Variants in ANKS1B observed in about 807,000 individuals in gnomAD.
ANKS1B encodes the protein ankyrin repeat and sterile alpha motif domain containing 1B.
Under a neutral mutation model 148.3 loss-of-function variants are expected in ANKS1B, and 36 were observed. The ratio of observed to expected loss-of-function variants is 0.24; its 90% CI spans 0.19 to 0.32. The LOEUF is 0.32. ANKS1B is among the 10% of genes least tolerant of loss of function. The pLI is 1.00. For synonymous variants in ANKS1B, 542 were observed against 560.8 expected, an observed-to-expected ratio of 0.97 and a Z score of 0.47; for missense variants, 1,157 against 1,542.6, an observed-to-expected ratio of 0.75 and a Z score of 4.19.
intron 8 of ANKS1B, among the ~76,000 whole-genome samples, chr12:99,748,547 ATAC>A: frequency 6.6e-6 from 1 of 152,094 alleles, no homozygotes; most frequent in Admixed American, 6.6e-5. Context: ...TTAACAAATA[ATAC>A]TGAGTATATA....
intron 17 of ANKS1B, among the ~76,000 whole-genome samples, chr12:99,016,061 C>T (rs1479637580): frequency 6.6e-6 from 1 of 152,092 alleles, no homozygotes; most frequent in Non-Finnish European, 1.5e-5. Context: ...CTTCACAAAC[C>T]AGTTTATTTT....
chr12:99,470,253 C>G (rs2096218652), intron 10 of ANKS1B, among the ~76,000 whole-genome samples: 2 of 151,960 alleles, frequency 1.3e-5, no homozygotes, highest in South Asian at 4.1e-4. Flanking sequence ...ACTGTATGAG[C>G]TATGGAAATT....
chr12:99,832,948 G>T (rs934511895), intron 1 of ANKS1B, among the ~76,000 whole-genome samples: 1 of 152,140 alleles, frequency 6.6e-6, no homozygotes, highest in African/African-American at 2.4e-5. Context: ...AACGTAAATT[G>T]CAGAATATTG....
At chr12:99,583,727 C>T (rs1432781955) in intron 9 of ANKS1B, among the ~76,000 whole-genome samples, 1 of 152,032 alleles carries the variant, frequency 6.6e-6, no homozygotes, top group Non-Finnish European at 1.5e-5. Context: ...AAGCACAGAT[C>T]AACAAATATT....
At chr12:99,108,063 T>C (rs1307695413) in intron 15 of ANKS1B, among the ~76,000 whole-genome samples, 1 of 152,232 alleles carries the variant, frequency 6.6e-6, no homozygotes, top group Non-Finnish European at 1.5e-5. Context: ...GATTAAGAGA[T>C]GTGAGGCTCA....
intron 22 of ANKS1B, among the ~76,000 whole-genome samples, chr12:98,790,222 G>A (rs1382049377): frequency 6.6e-6 from 1 of 152,094 alleles, no homozygotes; most frequent in African/African-American, 2.4e-5. Flanking sequence ...GCTTATGAAG[G>A]GACCCACTGA....
At chr12:98,938,568 T>G (rs973999877) in intron 17 of ANKS1B, among the ~76,000 whole-genome samples, 11 of 152,168 alleles carry the variant, frequency 7.2e-5, no homozygotes, top group Non-Finnish European at 1.5e-4. Context: ...TAAGGCAGAG[T>G]GCTCTTCCTG....
intron 1 of ANKS1B, among the ~76,000 whole-genome samples, chr12:99,933,079 G>A (rs1392582723): frequency 3.3e-5 from 5 of 152,096 alleles, no homozygotes; most frequent in Non-Finnish European, 7.4e-5. Flanking sequence ...CTGTAGGTGT[G>A]TGGATTTGTT....
chr12:99,044,648 A>G (rs760296730), intron 17 of ANKS1B, among the ~76,000 whole-genome samples: 29 of 152,192 alleles, frequency 1.9e-4, no homozygotes, highest in Non-Finnish European at 3.5e-4. Flanking sequence ...GATGGCAACT[A>G]AGCTGTGAAA....
chr12:99,186,830 C>T (rs113675862), intron 14 of ANKS1B, among the ~76,000 whole-genome samples: 12,850 of 151,974 alleles, frequency 0.085, 1,222 homozygotes, highest in African/African-American at 0.23. Flanking sequence ...TCCAAAGGAT[C>T]ATAACTCCTC....
intron 14 of ANKS1B, among the ~76,000 whole-genome samples, chr12:99,224,816 G>A (rs1242116272): frequency 6.6e-6 from 1 of 152,028 alleles, no homozygotes; most frequent in African/African-American, 2.4e-5. Context: ...GAAAAACCAG[G>A]GCCTTTAACT....
intron 8 of ANKS1B, among the ~76,000 whole-genome samples, chr12:99,658,212 C>T (rs987092247): frequency 8.5e-5 from 13 of 152,100 alleles, no homozygotes; most frequent in African/African-American, 2.9e-4. Context: ...GTTCCAAATA[C>T]CCGCCTCACT....
intron 17 of ANKS1B, among the ~76,000 whole-genome samples, chr12:98,940,562 T>C (rs923782602): frequency 2.0e-5 from 3 of 152,324 alleles, no homozygotes; most frequent in Non-Finnish European, 4.4e-5. Flanking sequence ...CCAGCACTTA[T>C]TATTATTACC....
chr12:99,471,334 G>T (rs187642059), intron 10 of ANKS1B, among the ~76,000 whole-genome samples: 1 of 151,656 alleles, frequency 6.6e-6, no homozygotes, highest in African/African-American at 2.4e-5. Context: ...ATATTTATGA[G>T]TCCAAAAGTA....
chr12:99,382,839 T>C (rs972913245), intron 12 of ANKS1B, among the ~76,000 whole-genome samples: 3 of 152,006 alleles, frequency 2.0e-5, no homozygotes, highest in African/African-American at 7.2e-5. Flanking sequence ...CTGATTTTGA[T>C]ACCTTCCCAT....
intron 9 of ANKS1B, among the ~76,000 whole-genome samples, chr12:99,579,378 A>C (rs963865308): frequency 1.3e-5 from 2 of 152,318 alleles, no homozygotes; most frequent in Middle Eastern, 3.4e-3. Flanking sequence ...GAGCTTCTAC[A>C]CAGCCAAAGA....
At chr12:99,935,160 G>A (rs537724011) in intron 1 of ANKS1B, among the ~76,000 whole-genome samples, 1 of 152,202 alleles carries the variant, frequency 6.6e-6, no homozygotes, top group Non-Finnish European at 1.5e-5. Flanking sequence ...TTCACCTACA[G>A]AAGCAGAGTA....
At chr12:98,842,209 A>G (rs2099410628) in intron 17 of ANKS1B, among the ~76,000 whole-genome samples, 1 of 152,252 alleles carries the variant, frequency 6.6e-6, no homozygotes, top group South Asian at 2.1e-4. Flanking sequence ...AGTAAAATAC[A>G]GTATATTCAT....
chr12:98,908,971 A>G (rs1483300708), intron 17 of ANKS1B, among the ~76,000 whole-genome samples: 1 of 152,212 alleles, frequency 6.6e-6, no homozygotes, highest in Non-Finnish European at 1.5e-5. Flanking sequence ...GTGTGATTAG[A>G]TAAATGCGGG....
Sources: gnomAD v4.1 joint callset for allele counts (sites outside exome capture counted in the v4.1 genomes callset) on GRCh38, gnomAD v4.1.1 for gene constraint, MANE v1.5 for transcripts, NCBI Gene and HGNC (gene_info 2026-07-23, HGNC 2026-07-21) for gene names.